TEK: variants seen among roughly 807,000 people sequenced by gnomAD.
TEK encodes TEK receptor tyrosine kinase.
A neutral mutation model predicts 131.8 loss-of-function variants in TEK; 43 were observed. That is an observed-to-expected ratio of 0.33 (90% CI 0.26 to 0.42). The LOEUF (loss-of-function observed/expected upper bound fraction) is 0.42. Among genes scored for constraint, TEK ranks in the 10% least tolerant of loss-of-function variants. The pLI, the probability that TEK is intolerant of heterozygous loss-of-function variation, is 1.00. For missense variants in TEK, 1,162 were observed against 1,384.4 expected (o/e 0.84, Z 2.55); for synonymous variants, 580 against 491.6 (o/e 1.18, Z -2.38).
intron 14 of TEK, 70 bp from the exon 15 acceptor site, chr9:27,206,512 C>T: frequency 6.7e-7 from 1 of 1,502,384 alleles, no homozygotes; most frequent in South Asian, 1.2e-5. Flanking sequence ...GGATGCCAAC[C>T]AGAAGACATT....
intron 2 of TEK, among the ~76,000 whole-genome samples, chr9:27,158,510 C>T (rs1823424292): frequency 6.6e-6 from 1 of 152,046 alleles, no homozygotes; most frequent in South Asian, 2.1e-4. Flanking sequence ...TTTGATTTTT[C>T]ATGTGATACA....
At chr9:27,180,185 TA>T in intron 6 of TEK, 54 bp from the exon 7 acceptor site, 1 of 1,611,550 alleles carries the variant, frequency 6.2e-7, no homozygotes, top group Non-Finnish European at 8.5e-7. Flanking sequence ...CCTGCAGTCT[TA>T]GTTTCCTCTC....
chr9:27,142,738 G>A (rs960906136), intron 1 of TEK, among the ~76,000 whole-genome samples: 6 of 152,218 alleles, frequency 3.9e-5, no homozygotes, highest in East Asian at 1.9e-4. Flanking sequence ...GAAGAGTTAT[G>A]AATTCTATCA....
chr9:27,175,995 A>G (rs1824157275), intron 6 of TEK, among the ~76,000 whole-genome samples: 1 of 152,074 alleles, frequency 6.6e-6, no homozygotes, highest in Non-Finnish European at 1.5e-5. Flanking sequence ...CATTTCATGA[A>G]CTCATCTCAG....
At chr9:27,144,710 C>A (rs1209656599) in intron 1 of TEK, among the ~76,000 whole-genome samples, 4 of 152,060 alleles carry the variant, frequency 2.6e-5, no homozygotes, top group African/African-American at 9.7e-5. Flanking sequence ...ACAATAGATT[C>A]CAAAATTGTA....
chr9:27,175,230 A>G (rs1824119600), intron 6 of TEK, among the ~76,000 whole-genome samples: 1 of 149,082 alleles, frequency 6.7e-6, no homozygotes, highest in Non-Finnish European at 1.5e-5. Context: ...GAGTGAGAAC[A>G]TACGGTGTTT....
chr9:27,223,267 C>A (rs1224058326), intron 21 of TEK, among the ~76,000 whole-genome samples: 1 of 151,720 alleles, frequency 6.6e-6, no homozygotes, highest in Non-Finnish European at 1.5e-5. Context: ...AGCTCTGGAC[C>A]AAGTAGACCT....
chr9:27,204,899 C>T lies in TEK; in HGVS notation c.2210-12C>T, dbSNP rs372067235. ...ACTAAACTACCTGCTTCACCTCTGT[C>T]TTCCTGCACAGCACCAGCGGACCTC... On this transcript the variant is annotated splice_polypyrimidine_tract_variant and intron_variant, in intron 13 of 22. Transcript: ENST00000380036. 5.0e-6 allele frequency: 8 copies of T among 1,613,664 alleles called. No homozygotes were observed. The East Asian group carries it at 8.9e-5, about 18-fold the overall frequency.
intron 2 of TEK, among the ~76,000 whole-genome samples, chr9:27,166,836 C>G (rs1402286087): frequency 4.6e-5 from 7 of 152,190 alleles, no homozygotes; most frequent in African/African-American, 1.7e-4. Context: ...TTTTAACATA[C>G]ATTTGGCATA....
At chr9:27,150,884 G>A (rs1564061772) in intron 1 of TEK, among the ~76,000 whole-genome samples, 1 of 152,138 alleles carries the variant, frequency 6.6e-6, no homozygotes, top group Non-Finnish European at 1.5e-5. Context: ...TGAAGGTGGC[G>A]AGAGGATGTC....
rs1442415750 is a variant in TEK at position 27,183,453 on chromosome 9, C to T, written c.1031-6C>T. The T allele has an allele frequency of 2.5e-6, 4 of 1,613,456 alleles. No homozygotes were observed. The African/African-American group carries it at 5.3e-5, about 22-fold the overall frequency. ...TAGATTTCACAGTGCTGTTTTCTTCCTTCAGGCATACAGAGGATGACCCCA... is the reference window on the plus strand; with the variant it reads ...TAGATTTCACAGTGCTGTTTTCTTCTTTCAGGCATACAGAGGATGACCCCA... On this transcript the variant is annotated splice_polypyrimidine_tract_variant and splice_region_variant and intron_variant, in intron 7 of 22. Transcript: ENST00000380036.
At chr9:27,219,635 AATAAACC>A (rs1206086451) in intron 20 of TEK, among the ~76,000 whole-genome samples, 1 of 83,288 alleles carries the variant, frequency 1.2e-5, no homozygotes, top group African/African-American at 3.9e-5. Context: ...ACTGTTCTAC[AATAAACC>A]AACATGCATG....
At chr9:27,171,894 C>T (rs979835440) in intron 4 of TEK, among the ~76,000 whole-genome samples, 6 of 152,106 alleles carry the variant, frequency 3.9e-5, no homozygotes, top group African/African-American at 1.4e-4. Flanking sequence ...GCCTTTATTT[C>T]ATTTAGCTAG....
chr9:27,143,454 A>G (rs1201429672), intron 1 of TEK, among the ~76,000 whole-genome samples: 1 of 152,174 alleles, frequency 6.6e-6, no homozygotes, highest in East Asian at 1.9e-4. Context: ...CAGAATGAAG[A>G]GAAGAACCGA....
chr9:27,204,096 T>C (rs911833740), intron 13 of TEK, among the ~76,000 whole-genome samples: 2 of 152,166 alleles, frequency 1.3e-5, no homozygotes, highest in African/African-American at 2.4e-5. Context: ...AAATTCAAGC[T>C]ATACATAAAA....
chr9:27,205,428 G>A (rs1307594666), intron 14 of TEK, among the ~76,000 whole-genome samples: 1 of 152,186 alleles, frequency 6.6e-6, no homozygotes, highest in African/African-American at 2.4e-5. Flanking sequence ...AGGGTAACCA[G>A]ACCTCAGTGA....
chr9:27,205,098 G>A, intron 14 of TEK, 33 bp downstream of exon 14: 1 of 1,613,336 alleles, frequency 6.2e-7, no homozygotes, highest in Middle Eastern at 1.7e-4. Flanking sequence ...GCTAATAAGG[G>A]CAAGTCCAAG....
intron 1 of TEK, among the ~76,000 whole-genome samples, chr9:27,113,819 C>T (rs1265801437): frequency 3.3e-5 from 5 of 152,144 alleles, no homozygotes; most frequent in Non-Finnish European, 7.4e-5. Flanking sequence ...TGCCAACTAC[C>T]CATCTACCCT....
At position 27,207,955 on chromosome 9, in the gene TEK, A is replaced by G. The variant is rs78529356; in HGVS notation, c.2575+1163A>G. ...CTGTTTTGCTACTTTAGTCACAGGG[A>G]GTTTTGGGGAGCAGTGAGGATAGTG... On this transcript the variant is annotated intron_variant, in intron 15 of 22. Coordinates refer to ENST00000380036, the MANE Select transcript of TEK (RefSeq NM_000459.5). 8.9e-3 allele frequency among the ~76,000 whole-genome samples: 1,357 copies of G among 152,202 alleles called. 18 individuals carry two copies. The highest frequency in any genetic ancestry group is 0.031 in the African/African-American group (1,282 of 41,530).
Sources: gnomAD v4.1 joint callset for allele counts (sites outside exome capture counted in the v4.1 genomes callset) on GRCh38, gnomAD v4.1.1 for gene constraint, MANE v1.5 for transcripts, NCBI Gene and HGNC (gene_info 2026-07-23, HGNC 2026-07-21) for gene names.